Variants in RRBP1 observed in about 807,000 individuals in gnomAD.
RRBP1 encodes ribosome-binding protein 1.
RRBP1 carries 94 observed loss-of-function variants against 165.2 expected under a neutral mutation model. That is an observed-to-expected ratio of 0.57 (90% CI 0.48 to 0.68). The LOEUF (loss-of-function observed/expected upper bound fraction) is 0.68. Ranked by LOEUF, RRBP1 falls within the 30% of genes least tolerant of loss-of-function variation. The pLI, the probability that RRBP1 is intolerant of heterozygous loss-of-function variation, is 0.00. For missense variants in RRBP1, 1,676 were observed against 1,763.0 expected (o/e 0.95, Z 0.88); for synonymous variants, 680 against 714.5 (o/e 0.95, Z 0.77).
At chr20:17,614,708 C>G in intron 24 of RRBP1, 29 bp downstream of exon 24, 1 of 1,607,514 alleles carries the variant, frequency 6.2e-7, no homozygotes. Flanking sequence ...CTCGACTCCT[C>G]CCGCCCTGCT....
Position 17,616,718 on chromosome 20 carries a change from C to G in RRBP1, c.3867+14G>C. 1.9e-6 allele frequency: 3 copies of G among 1,582,712 alleles called. No homozygotes were observed. Among genetic ancestry groups the G allele is most frequent in the Non-Finnish European group, 2.6e-6 (3 of 1,158,030 alleles). ...GATTAGTGATGTGTCTGGGGACCAG[C>G]TCACCGCCCTAACCTGAACGGGGTC... On this transcript the variant is annotated intron_variant, in intron 21 of 24. Coordinates refer to ENST00000377813, the MANE Select transcript of RRBP1 (RefSeq NM_001365613.2).
At chr20:17,618,196 C>T (rs1568751406) in intron 20 of RRBP1, among the ~76,000 whole-genome samples, 1 of 152,234 alleles carries the variant, frequency 6.6e-6, no homozygotes, top group Admixed American at 6.5e-5. Flanking sequence ...TGCTGAGAGC[C>T]CCAGGGCGAT....
chr20:17,675,537 A>G (rs2037063731), intron 2 of RRBP1, among the ~76,000 whole-genome samples: 1 of 135,156 alleles, frequency 7.4e-6, no homozygotes, highest in Non-Finnish European at 1.6e-5. Flanking sequence ...TGATGCAGAG[A>G]AGGGGGGCAG....
At chr20:17,646,659 G>C (rs902986979) in intron 3 of RRBP1, among the ~76,000 whole-genome samples, 1 of 152,194 alleles carries the variant, frequency 6.6e-6, no homozygotes, top group African/African-American at 2.4e-5. Flanking sequence ...GCTCACAGCA[G>C]CTCAGATAAC....
chr20:17,634,325 G>A (rs1166214776), intron 7 of RRBP1, among the ~76,000 whole-genome samples: 1 of 152,226 alleles, frequency 6.6e-6, no homozygotes, highest in Non-Finnish European at 1.5e-5. Flanking sequence ...GCCAGGCGGA[G>A]CTGGGAAACC....
At chr20:17,680,801 C>T (rs1279533414) in intron 1 of RRBP1, among the ~76,000 whole-genome samples, 1 of 152,028 alleles carries the variant, frequency 6.6e-6, no homozygotes, top group Non-Finnish European at 1.5e-5. Context: ...CCAGCACCCC[C>T]CAACAAAAGC....
chr20:17,643,498 G>A lies in RRBP1; in HGVS notation c.1913-371C>T, dbSNP rs2036406394. ...TTTTTCTCGCAAATGCACTGGTCCT[G>A]TTCTCAACCTGCATGGCTCACCATG... is the stretch of plus-strand genomic sequence containing the variant. On this transcript the variant is annotated intron_variant, in intron 3 of 24. Coordinates refer to ENST00000377813, the MANE Select transcript of RRBP1 (RefSeq NM_001365613.2). The surrounding 1 kb of genome is among the most constrained non-coding windows in gnomAD (Gnocchi z 4.3). Among the ~76,000 whole-genome samples the A allele has an allele frequency of 6.6e-6, 1 of 151,600 alleles. No homozygotes were observed. Among genetic ancestry groups the A allele is most frequent in the African/African-American group, 2.4e-5 (1 of 41,208 alleles).
chr20:17,641,937 TG>T lies in RRBP1; in HGVS notation c.2062-19del, dbSNP rs1568770350. ...TGAGTGGCCTAGAAATACCCAGAGA[TG>T]CGTTAACAGAGGGGACAAATGGGAC... On this transcript the variant is annotated intron_variant, in intron 4 of 24. Coordinates refer to ENST00000377813, the MANE Select transcript of RRBP1 (RefSeq NM_001365613.2). 1 of 1,608,836 alleles carries T rather than the reference TG, an allele frequency of 6.2e-7. No homozygotes were observed. The highest frequency in any genetic ancestry group is 2.2e-5 in the East Asian group (1 of 44,680).
rs1287740323 is a variant in RRBP1, at chr20:17,641,939, C to T, written c.2062-20G>A. On this transcript the variant is annotated intron_variant, in intron 4 of 24. Coordinates refer to ENST00000377813, the MANE Select transcript of RRBP1 (RefSeq NM_001365613.2). ...AGTGGCCTAGAAATACCCAGAGATG[C>T]GTTAACAGAGGGGACAAATGGGACT... 5.6e-6 allele frequency: 9 copies of T among 1,606,398 alleles called. No individual in the cohort carries two copies. The highest frequency in any genetic ancestry group is 1.7e-4 in the Middle Eastern group (1 of 6,038).
At chr20:17,636,878 A>C in intron 5 of RRBP1, 149 bp from the exon 6 acceptor site, 1 of 931,984 alleles carries the variant, frequency 1.1e-6, no homozygotes, top group East Asian at 2.5e-5. Flanking sequence ...GACTCAAGCC[A>C]GCTGCAGTGG....
intron 2 of RRBP1, among the ~76,000 whole-genome samples, chr20:17,668,569 A>C (rs546189410): frequency 6.6e-6 from 1 of 152,256 alleles, no homozygotes; most frequent in Admixed American, 6.5e-5. Context: ...TTATCAGGAG[A>C]CTGTGTCTCC....
intron 3 of RRBP1, among the ~76,000 whole-genome samples, chr20:17,647,566 G>A (rs983349853): frequency 6.6e-6 from 1 of 152,204 alleles, no homozygotes; most frequent in Non-Finnish European, 1.5e-5. Context: ...CCTGGACCCT[G>A]GTCCTAAGAG....
At chr20:17,656,215 C>T (rs1157919928) in intron 3 of RRBP1, among the ~76,000 whole-genome samples, 2 of 152,124 alleles carry the variant, frequency 1.3e-5, no homozygotes, top group African/African-American at 2.4e-5. Flanking sequence ...TCTAGACTGC[C>T]GACACTGTGA....
intron 2 of RRBP1, among the ~76,000 whole-genome samples, chr20:17,676,657 GACAA>G (rs2037087930): frequency 6.6e-6 from 1 of 152,140 alleles, no homozygotes; most frequent in African/African-American, 2.4e-5. Context: ...GCTTAGAGAG[GACAA>G]ACACAGTCCA....
intron 3 of RRBP1, among the ~76,000 whole-genome samples, chr20:17,653,070 C>T (rs1013441100): frequency 6.6e-6 from 1 of 152,180 alleles, no homozygotes; most frequent in Non-Finnish European, 1.5e-5. Context: ...GAAGTGTGCC[C>T]GGAGCAGAGA....
At chr20:17,637,919 G>A (rs117476320) in intron 5 of RRBP1, among the ~76,000 whole-genome samples, 2,749 of 152,284 alleles carry the variant, frequency 0.018, 37 homozygotes, top group Non-Finnish European at 0.025. Flanking sequence ...TCTGGAAGAC[G>A]AGGATTACAA....
At chr20:17,628,383 T>C (rs1390595154) in intron 9 of RRBP1, among the ~76,000 whole-genome samples, 5 of 152,198 alleles carry the variant, frequency 3.3e-5, no homozygotes, top group Admixed American at 6.5e-5. Flanking sequence ...ACCCGCCATC[T>C]GTCAAGTTGC....
chr20:17,665,714 G>A (rs957778521), intron 2 of RRBP1, among the ~76,000 whole-genome samples: 13 of 152,176 alleles, frequency 8.5e-5, no homozygotes, highest in Admixed American at 2.6e-4. Flanking sequence ...TCTACCATAT[G>A]AGTGAAAAAT....
chr20:17,614,311 T>C, intron 24 of RRBP1, 91 bp from the exon 25 acceptor site: 2 of 1,269,024 alleles, frequency 1.6e-6, no homozygotes, highest in Non-Finnish European at 2.3e-6. Context: ...AGTCCCTCCC[T>C]GGATTGACCC....
Sources: gnomAD v4.1 joint callset for allele counts (sites outside exome capture counted in the v4.1 genomes callset) on GRCh38, gnomAD v4.1.1 for gene constraint, Gnocchi (gnomAD v3.1) non-coding constraint, MANE v1.5 for transcripts, NCBI Gene and HGNC (gene_info 2026-07-23, HGNC 2026-07-21) for gene names.